USO1: variants seen among roughly 807,000 people sequenced by gnomAD.
USO1 encodes the protein USO1 vesicle transport factor.
Under a neutral mutation model 124.5 loss-of-function variants are expected in USO1, and 57 were observed. The ratio of observed to expected loss-of-function variants is 0.46; its 90% CI spans 0.37 to 0.57. The LOEUF is 0.57. Ranked by LOEUF, USO1 falls within the 20% of genes least tolerant of loss-of-function variation. The pLI, the probability that USO1 is intolerant of heterozygous loss-of-function variation, is 0.00. For missense variants in USO1, 900 were observed against 1,040.6 expected (o/e 0.86, Z 1.86); for synonymous variants, 369 against 362.8 (o/e 1.02, Z -0.19).
intron 1 of USO1, among the ~76,000 whole-genome samples, chr4:75,733,032 G>A (rs1364267233): frequency 6.6e-6 from 1 of 151,374 alleles, no homozygotes; most frequent in African/African-American, 2.4e-5. Flanking sequence ...AGGCCGAGGC[G>A]GGCAGATTAC....
intron 7 of USO1, among the ~76,000 whole-genome samples, chr4:75,772,263 G>A (rs1010282086): frequency 6.6e-6 from 1 of 151,982 alleles, no homozygotes; most frequent in Non-Finnish European, 1.5e-5. Context: ...TTGAGATGGA[G>A]TCTAGCTCTG....
intron 13 of USO1, among the ~76,000 whole-genome samples, chr4:75,798,522 G>A (rs1475252825): frequency 6.6e-6 from 1 of 152,136 alleles, no homozygotes; most frequent in East Asian, 1.9e-4. Context: ...TAAAAATAAT[G>A]CATCATGTAA....
chr4:75,805,671 C>T (rs142686679), intron 19 of USO1, among the ~76,000 whole-genome samples: 453 of 151,078 alleles, frequency 3.0e-3, no homozygotes, highest in African/African-American at 0.01. Context: ...CACCCCACTT[C>T]ACCTCATTGC....
At position 75,729,544 on chromosome 4, in the gene USO1, A is replaced by T. The variant is rs560616058; in HGVS notation, c.66+4659A>T. Among the ~76,000 whole-genome samples the T allele has an allele frequency of 2.6e-4, 39 of 152,072 alleles. 1 individual carries two copies. Among genetic ancestry groups the T allele is most frequent in the Admixed American group, 9.2e-4 (14 of 15,278 alleles). ...TTAGTAGAGACAGGGTTGCACTGTG[A>T]TGCCCAGGCTGGTCTTGAACTCCTG... On this transcript the variant is annotated intron_variant, in intron 1 of 23. Coordinates refer to ENST00000514213, the MANE Select transcript of USO1 (RefSeq NM_003715.4).
intron 14 of USO1, 95 bp downstream of exon 14, chr4:75,799,827 A>T: frequency 1.4e-6 from 2 of 1,399,340 alleles, no homozygotes; most frequent in Non-Finnish European, 1.9e-6. Context: ...AAAATATTTG[A>T]ATTCTCCACT....
chr4:75,800,005 G>A (rs1048800405), intron 14 of USO1, among the ~76,000 whole-genome samples: 1 of 151,122 alleles, frequency 6.6e-6, no homozygotes, highest in African/African-American at 2.4e-5. Context: ...GTGTAGTGGC[G>A]CGATCTCGGC....
chr4:75,770,718 C>T, intron 5 of USO1, 104 bp from the exon 6 acceptor site: 1 of 1,528,776 alleles, frequency 6.5e-7, no homozygotes, highest in African/African-American at 1.4e-5. Flanking sequence ...TGCTAAACTT[C>T]CATGTTTTAC....
intron 1 of USO1, chr4:75,745,044 T>A (rs1488409964): frequency 2.8e-6 from 1 of 354,076 alleles, no homozygotes; most frequent in Non-Finnish European, 5.5e-6. Flanking sequence ...CTTCAAATCT[T>A]TGCCCACTGC....
At chr4:75,802,965 TC>T (rs1209657884) in intron 17 of USO1, among the ~76,000 whole-genome samples, 1 of 149,962 alleles carries the variant, frequency 6.7e-6, no homozygotes, top group Non-Finnish European at 1.5e-5. Context: ...ATGCCTATAA[TC>T]CCAGCTACTC....
chr4:75,765,580 A>G (rs1032720319), intron 4 of USO1, among the ~76,000 whole-genome samples: 1 of 151,062 alleles, frequency 6.6e-6, no homozygotes. Flanking sequence ...TCATCCTGTC[A>G]GTTTGTAAAT....
intron 6 of USO1, 73 bp from the exon 7 acceptor site, chr4:75,771,009 A>G: frequency 6.3e-7 from 1 of 1,598,232 alleles, no homozygotes; most frequent in Non-Finnish European, 8.5e-7. Flanking sequence ...GTGTGTTAGT[A>G]AATTGTTAAT....
intron 4 of USO1, among the ~76,000 whole-genome samples, chr4:75,766,072 G>T (rs1294543933): frequency 6.6e-6 from 1 of 152,044 alleles, no homozygotes; most frequent in African/African-American, 2.4e-5. Context: ...ACTAACCTAA[G>T]ATATAAAACT....
At chr4:75,778,802 T>A (rs1326082960) in intron 8 of USO1, among the ~76,000 whole-genome samples, 2 of 152,182 alleles carry the variant, frequency 1.3e-5, no homozygotes, top group Non-Finnish European at 2.9e-5. Context: ...TAGTATTCAT[T>A]TATGAATTGT....
rs144184759 is a variant in USO1 at position 75,794,944 on chromosome 4, A to T, written c.1452+1043A>T. Among the ~76,000 whole-genome samples the T allele has an allele frequency of 3.5e-3, 535 of 152,304 alleles. 9 individuals carry two copies. The highest frequency in any genetic ancestry group is 0.012 in the African/African-American group (510 of 41,580). ...CCAAATTTTTATGTCTTTACTTATT[A>T]CTTGGCATTCTCATGTTGCTATCTG... On this transcript the variant is annotated intron_variant, in intron 13 of 23. Coordinates refer to ENST00000514213, the MANE Select transcript of USO1 (RefSeq NM_003715.4).
chr4:75,725,600 T>C (rs1372303180), intron 1 of USO1, among the ~76,000 whole-genome samples: 1 of 143,324 alleles, frequency 7.0e-6, no homozygotes, highest in Non-Finnish European at 1.5e-5. Context: ...CCTAATGACA[T>C]GATTTGCGGC....
chr4:75,768,120 G>T (rs933913545), intron 4 of USO1, among the ~76,000 whole-genome samples: 1 of 152,028 alleles, frequency 6.6e-6, no homozygotes, highest in Non-Finnish European at 1.5e-5. Flanking sequence ...GGGCTCAAGG[G>T]ATCCTCCCAC....
Position 75,750,014 on chromosome 4 carries a change from A to G in USO1, c.67-2359A>G, listed in dbSNP as rs938809803. ...GTGATCCACCCACCTCAGCCTCCCA[A>G]AGTGCTAGGATTATAGGCGTGAGCC... On this transcript the variant is annotated intron_variant, in intron 1 of 23. Transcript: ENST00000514213. Among the ~76,000 whole-genome samples, 28 of 152,192 alleles carry G rather than the reference A, an allele frequency of 1.8e-4. No individual in the cohort carries two copies. In the South Asian group the frequency reaches 3.5e-3, roughly 19 times the overall value.
At position 75,799,701 on chromosome 4, in the gene USO1, A is replaced by G. The variant is rs1722787149; in HGVS notation, c.1532A>G (p.His511Arg). The G allele has an allele frequency of 6.2e-7, 1 of 1,613,596 alleles. No homozygotes were observed. The highest frequency in any genetic ancestry group is 8.5e-7 in the Non-Finnish European group (1 of 1,179,768). Residue 511 changes from histidine (H) to arginine (R), a missense_variant, in exon 14 of 24, where the codon CAT becomes CGT. His to Arg is a conservative substitution (Grantham distance 29). Around this residue, in one of 2 missense-constraint regions of USO1, gnomAD observed 538 missense variants for 681.6 expected, o/e 0.79. Transcript: ENST00000514213. Reference protein sequence around the residue: ...WLSNCPIAVTHFLHNSANVPF... With the variant: ...WLSNCPIAVTRFLHNSANVPF... The stretch of plus-strand genomic sequence containing the variant: ...AGCAATTGTCCCATTGCAGTAACGC[A>G]TTTTCTTCACAATTCAGCCAATGTT...
intron 1 of USO1, among the ~76,000 whole-genome samples, chr4:75,736,816 A>G (rs1720805701): frequency 6.6e-6 from 1 of 152,218 alleles, no homozygotes; most frequent in African/African-American, 2.4e-5. Context: ...AGATTAGTCA[A>G]ACTGTCTCTT....
Sources: allele counts gnomAD v4.1 joint callset (sites outside exome capture counted in the v4.1 genomes callset), GRCh38; gene constraint gnomAD v4.1.1; regional missense constraint gnomAD v4.1.1; transcripts MANE v1.5; gene names NCBI Gene and HGNC (gene_info 2026-07-23, HGNC 2026-07-21).